LPXN: variants seen among roughly 807,000 people sequenced by gnomAD.
LPXN encodes leupaxin.
In LPXN, 28 loss-of-function variants were observed where a neutral mutation model predicts 45.6. The ratio of observed to expected loss-of-function variants is 0.61; its 90% CI spans 0.45 to 0.84. The LOEUF (loss-of-function observed/expected upper bound fraction) is 0.84, where lower values mean the gene tolerates loss of function less well. Ranked by LOEUF, LPXN falls within the 40% of genes least tolerant of loss-of-function variation. The pLI is 0.00. For synonymous variants in LPXN, 166 were observed against 169.9 expected, an observed-to-expected ratio of 0.98 and a Z score of 0.18; for missense variants, 459 against 475.0, an observed-to-expected ratio of 0.97 and a Z score of 0.31.
At chr11:58,534,344 CA>C (rs1429304984) in intron 7 of LPXN, among the ~76,000 whole-genome samples, 2 of 152,148 alleles carry the variant, frequency 1.3e-5, no homozygotes, top group African/African-American at 4.8e-5. Flanking sequence ...ACAGTGCAAT[CA>C]AATTAGAACT....
chr11:58,544,434 T>C (rs1325937351), intron 7 of LPXN, among the ~76,000 whole-genome samples: 1 of 152,212 alleles, frequency 6.6e-6, no homozygotes, highest in African/African-American at 2.4e-5. Context: ...AAACTGAGCT[T>C]GCCTATAGGT....
chr11:58,556,112 G>A (rs1253743096), intron 3 of LPXN, among the ~76,000 whole-genome samples: 1 of 151,984 alleles, frequency 6.6e-6, no homozygotes, highest in Non-Finnish European at 1.5e-5. Flanking sequence ...ATGTGCATGT[G>A]TGAAGAGAGA....
In LPXN at chr11:58,548,221, T is replaced by C. The variant is rs1853932812; in HGVS notation, c.742+1565A>G. ...TCTCAAAAATTCTTTCTCAGAAAGC[T>C]ACTAGGGGATGTTCCCCACCAAAAT... On this transcript the variant is annotated intron_variant, in intron 7 of 8. Transcript: ENST00000395074. Among the ~76,000 whole-genome samples, 3 of 152,162 alleles carry C rather than the reference T, an allele frequency of 2.0e-5. No homozygotes were observed. In the South Asian group the frequency reaches 6.2e-4, roughly 31 times the overall value.
intron 2 of LPXN, among the ~76,000 whole-genome samples, chr11:58,566,769 T>C (rs1284277504): frequency 6.6e-6 from 1 of 152,224 alleles, no homozygotes; most frequent in Non-Finnish European, 1.5e-5. Context: ...CATGCTACAT[T>C]CATTCAGTAA....
At chr11:58,564,345 C>A in intron 2 of LPXN, 144 bp from the exon 3 acceptor site, 1 of 639,220 alleles carries the variant, frequency 1.6e-6, no homozygotes, top group Non-Finnish European at 2.8e-6. Flanking sequence ...TCTTCTTTCA[C>A]AAGCCAGAGG....
chr11:58,570,475 T>C, intron 2 of LPXN, 81 bp downstream of exon 2: 2 of 1,058,660 alleles, frequency 1.9e-6, no homozygotes, highest in Non-Finnish European at 2.7e-6. Flanking sequence ...TCCTTTCATA[T>C]TATTTTATGT....
At chr11:58,558,962 T>C (rs943227605) in intron 3 of LPXN, among the ~76,000 whole-genome samples, 1 of 151,788 alleles carries the variant, frequency 6.6e-6, no homozygotes, top group Non-Finnish European at 1.5e-5. Flanking sequence ...TATAAATAAA[T>C]ATTTAAAACA....
upstream of LPXN, chr11:58,575,998 A>G: frequency 7.4e-7 from 1 of 1,353,584 alleles, no homozygotes; most frequent in East Asian, 2.7e-5. Context: ...ATAGAAAGGT[A>G]GATAGTAAGA....
At chr11:58,530,512 G>C (rs144479039) in intron 7 of LPXN, among the ~76,000 whole-genome samples, 1,689 of 152,290 alleles carry the variant, frequency 0.011, 11 homozygotes, top group Non-Finnish European at 0.013. Context: ...CCTCTTTTCT[G>C]GGCAGGCCAT....
rs76799147 is a variant in LPXN at position 58,567,455 on chromosome 11, C to T, written c.171+3101G>A. Among the ~76,000 whole-genome samples, 1,049 of 152,202 alleles carry T rather than the reference C, an allele frequency of 6.9e-3. 80 individuals are homozygous for T. The East Asian group carries it at 0.17, about 24-fold the overall frequency. ...ATAAAAAACATTATTTGAAGGTTTG[C>T]AAAGGAAAATCACTCATTAATTATT... On this transcript the variant is annotated intron_variant, in intron 2 of 8. Transcript: ENST00000395074.
intron 4 of LPXN, among the ~76,000 whole-genome samples, chr11:58,554,538 A>C (rs1392831599): frequency 6.6e-6 from 1 of 152,166 alleles, no homozygotes; most frequent in African/African-American, 2.4e-5. Context: ...TTTGCAAAAC[A>C]CCTGGCTTTT....
At chr11:58,535,064 G>T (rs1178312695) in intron 7 of LPXN, among the ~76,000 whole-genome samples, 1 of 152,170 alleles carries the variant, frequency 6.6e-6, no homozygotes, top group Non-Finnish European at 1.5e-5. Context: ...GGACCAGGTG[G>T]ATTCACAGCA....
At chr11:58,530,151 T>G (rs1411189461) in intron 7 of LPXN, among the ~76,000 whole-genome samples, 3 of 152,106 alleles carry the variant, frequency 2.0e-5, no homozygotes, top group South Asian at 4.1e-4. Flanking sequence ...GTTTTTTTGT[T>G]TTTTGTTTTT....
chr11:58,528,838 CT>C (rs954879632), intron 7 of LPXN, among the ~76,000 whole-genome samples: 5 of 152,214 alleles, frequency 3.3e-5, no homozygotes, highest in African/African-American at 9.6e-5. Flanking sequence ...TGTATTCCTC[CT>C]TTTTTTATTT....
intron 3 of LPXN, among the ~76,000 whole-genome samples, chr11:58,556,140 T>C (rs1854196348): frequency 6.6e-6 from 1 of 151,988 alleles, no homozygotes. Context: ...ATAAAATCAG[T>C]TGAAATGTGT....
intron 4 of LPXN, chr11:58,554,036 G>C (rs1055664013): frequency 7.9e-5 from 12 of 152,686 alleles, no homozygotes; most frequent in African/African-American, 2.4e-4. Context: ...TTTTGGCCGG[G>C]CGCAGTGGCT....
chr11:58,552,243 T>C (rs1854073244), intron 4 of LPXN, among the ~76,000 whole-genome samples: 1 of 152,128 alleles, frequency 6.6e-6, no homozygotes, highest in Admixed American at 6.5e-5. Flanking sequence ...ATAAGACTTG[T>C]TGATGGATTG....
intron 2 of LPXN, among the ~76,000 whole-genome samples, 157 bp from the exon 3 acceptor site, chr11:58,564,358 TTA>T (rs1275430158): frequency 6.6e-6 from 1 of 152,162 alleles, no homozygotes; most frequent in Non-Finnish European, 1.5e-5. Flanking sequence ...GCCAGAGGAA[TTA>T]CCAGCCATCC....
At position 58,527,696 on chromosome 11, in the gene LPXN, A is replaced by T; in HGVS notation, c.919T>A (p.Ser307Thr). ...GGACGTCCATCCAGTTCAAAGAAGGAGCCAGTAGAAAAACTGGTGAAGCAG... is the reference window on the plus strand; with the variant it reads ...GGACGTCCATCCAGTTCAAAGAAGGTGCCAGTAGAAAAACTGGTGAAGCAG... ...GDCFTSFSTG[S>T]FFELDGRPFC... The change falls in exon 9 of 9, where the codon TCC becomes ACC. Residue 307 changes from serine to threonine, a missense_variant. Physicochemically the swap from Ser to Thr is moderately conservative, Grantham distance 58 (BLOSUM62 1). Coordinates refer to ENST00000395074, the MANE Select transcript of LPXN (RefSeq NM_004811.3). The T allele has an allele frequency of 6.2e-7, 1 of 1,614,122 alleles. No homozygotes were observed. The highest frequency in any genetic ancestry group is 8.5e-7 in the Non-Finnish European group (1 of 1,180,008).
Sources: allele counts gnomAD v4.1 joint callset (sites outside exome capture counted in the v4.1 genomes callset), GRCh38; gene constraint gnomAD v4.1.1; transcripts MANE v1.5; gene names NCBI Gene and HGNC (gene_info 2026-07-23, HGNC 2026-07-21).